Variants in CAMKMT observed in about 807,000 individuals in gnomAD.
CAMKMT encodes calmodulin-lysine N-methyltransferase, also known as CaM KMT.
CAMKMT carries 53 observed loss-of-function variants against 48.0 expected under a neutral mutation model. That is an observed-to-expected ratio of 1.10 (90% confidence interval 0.89 to 1.39). The LOEUF is 1.39. Ranked by LOEUF, CAMKMT falls within the 40% of genes most tolerant of loss-of-function variation. The pLI is 0.00. For synonymous variants in CAMKMT, 165 were observed against 152.3 expected, an observed-to-expected ratio of 1.08 and a Z score of -0.61; for missense variants, 428 against 402.7, an observed-to-expected ratio of 1.06 and a Z score of -0.54.
chr2:44,436,540 C>T (rs545005305), intron 3 of CAMKMT, among the ~76,000 whole-genome samples: 14 of 151,710 alleles, frequency 9.2e-5, no homozygotes, highest in African/African-American at 3.1e-4. Flanking sequence ...TTGAGGACCA[C>T]ACAGGGTTTT....
chr2:44,484,691 C>CA lies in CAMKMT; in HGVS notation c.376+94399dup, dbSNP rs35786716. Among the ~76,000 whole-genome samples, 452 of 139,070 alleles carry CA rather than the reference C, an allele frequency of 3.3e-3. 1 individual carries two copies. The highest frequency in any genetic ancestry group is 9.5e-3 in the African/African-American group (366 of 38,384). 91.2% of individuals were successfully genotyped at this position (139,070 alleles called of 152,430 possible). A position where few individuals can be genotyped will look rare whatever the true frequency, so the allele number is the denominator to read the frequency against. On this transcript the variant is annotated intron_variant, in intron 3 of 10. Transcript: ENST00000378494. ...TTAGGTAAGGATATCTTAAATAGGA[C>CA]AAAAAAAAAAAAACCATACAGAAAA...
chr2:44,600,318 G>C (rs1265324904), intron 3 of CAMKMT, among the ~76,000 whole-genome samples: 1 of 151,678 alleles, frequency 6.6e-6, no homozygotes, highest in East Asian at 1.9e-4. Flanking sequence ...CCAGTCTGGA[G>C]TCCAGTGGCA....
intron 3 of CAMKMT, among the ~76,000 whole-genome samples, chr2:44,659,342 G>GC (rs1186042601): frequency 6.6e-6 from 1 of 151,922 alleles, no homozygotes; most frequent in East Asian, 1.9e-4. Flanking sequence ...TGGAAGGACA[G>GC]CTTGAGCCCA....
chr2:44,520,772 G>T (rs184410916), intron 3 of CAMKMT, among the ~76,000 whole-genome samples: 1 of 152,306 alleles, frequency 6.6e-6, no homozygotes, highest in East Asian at 1.9e-4. Flanking sequence ...GGGACAGGTG[G>T]AGGTAATTGG....
chr2:44,435,933 T>G (rs1067356), intron 3 of CAMKMT, among the ~76,000 whole-genome samples: 113,499 of 151,966 alleles, frequency 0.75, 42,505 homozygotes, highest in South Asian at 0.87. Flanking sequence ...ACGTCATTCA[T>G]TTTGCCTAGA....
chr2:44,668,029 A>G (rs371479257), intron 3 of CAMKMT, among the ~76,000 whole-genome samples: 36 of 152,304 alleles, frequency 2.4e-4, no homozygotes, highest in African/African-American at 7.0e-4. Flanking sequence ...GACTGTGGCA[A>G]TCAACCATGC....
intron 3 of CAMKMT, among the ~76,000 whole-genome samples, chr2:44,683,046 G>A (rs1265894212): frequency 6.6e-6 from 1 of 152,088 alleles, no homozygotes; most frequent in African/African-American, 2.4e-5. Flanking sequence ...TCTGGAGAAG[G>A]GGGTCACTAT....
At chr2:44,514,601 G>A (rs1041438668) in intron 3 of CAMKMT, among the ~76,000 whole-genome samples, 5 of 152,162 alleles carry the variant, frequency 3.3e-5, no homozygotes, top group Middle Eastern at 3.2e-3. Flanking sequence ...TGACAAGAAA[G>A]GCCAAGGAAG....
chr2:44,430,272 C>T (rs894053790), intron 3 of CAMKMT, among the ~76,000 whole-genome samples: 4 of 151,854 alleles, frequency 2.6e-5, no homozygotes, highest in Admixed American at 6.6e-5. Context: ...TTCTTTTTGT[C>T]TCCTTTAGCA....
intron 1 of CAMKMT, among the ~76,000 whole-genome samples, chr2:44,371,790 C>T (rs1185117058): frequency 1.3e-5 from 2 of 152,170 alleles, no homozygotes. Context: ...CACAATACCA[C>T]ATCAACCCAG....
At chr2:44,404,762 G>A (rs962592398) in intron 3 of CAMKMT, among the ~76,000 whole-genome samples, 2 of 151,836 alleles carry the variant, frequency 1.3e-5, no homozygotes, top group African/African-American at 4.8e-5. Flanking sequence ...TATGCTTTTA[G>A]GATGATCTTT....
chr2:44,507,664 T>A (rs935403098), intron 3 of CAMKMT, among the ~76,000 whole-genome samples: 1 of 152,200 alleles, frequency 6.6e-6, no homozygotes, highest in African/African-American at 2.4e-5. Flanking sequence ...CATGTTTCAT[T>A]AAGTTTAATG....
intron 3 of CAMKMT, among the ~76,000 whole-genome samples, chr2:44,643,888 T>A (rs1345162175): frequency 6.6e-6 from 1 of 152,184 alleles, no homozygotes; most frequent in East Asian, 1.9e-4. Flanking sequence ...TACATTATAA[T>A]AAAACAGACT....
At chr2:44,617,051 C>T (rs748486337) in intron 3 of CAMKMT, among the ~76,000 whole-genome samples, 2 of 152,124 alleles carry the variant, frequency 1.3e-5, no homozygotes, top group Non-Finnish European at 2.9e-5. Flanking sequence ...CGTGATAGTG[C>T]CGTGAATGTC....
At chr2:44,525,146 T>C (rs1671338207) in intron 3 of CAMKMT, among the ~76,000 whole-genome samples, 1 of 152,206 alleles carries the variant, frequency 6.6e-6, no homozygotes, top group African/African-American at 2.4e-5. Context: ...ATAGGTTAGA[T>C]GACACAAAAT....
chr2:44,412,580 C>G (rs1008116580), intron 3 of CAMKMT, among the ~76,000 whole-genome samples: 1 of 152,030 alleles, frequency 6.6e-6, no homozygotes, highest in African/African-American at 2.4e-5. Context: ...AGGTGATCCA[C>G]CCATCTTGGC....
intron 3 of CAMKMT, among the ~76,000 whole-genome samples, chr2:44,517,503 G>A (rs1167008500): frequency 6.6e-6 from 1 of 152,108 alleles, no homozygotes; most frequent in Non-Finnish European, 1.5e-5. Flanking sequence ...TTTCCTTTTT[G>A]CACAGAACTC....
chr2:44,759,177 A>G (rs1402415886), intron 9 of CAMKMT, among the ~76,000 whole-genome samples: 4 of 152,218 alleles, frequency 2.6e-5, no homozygotes, highest in African/African-American at 7.2e-5. Flanking sequence ...AGGCTAGAGT[A>G]CAGTGGCACC....
intron 3 of CAMKMT, among the ~76,000 whole-genome samples, chr2:44,651,529 C>CA (rs369970504): frequency 0.017 from 2,652 of 152,036 alleles, 71 homozygotes; most frequent in African/African-American, 0.053. Flanking sequence ...ACTAAAGATA[C>CA]AAAAAAAGGC....
Sources: gnomAD v4.1 joint callset for allele counts (sites outside exome capture counted in the v4.1 genomes callset) on GRCh38, gnomAD v4.1.1 for gene constraint, MANE v1.5 for transcripts, NCBI Gene and HGNC (gene_info 2026-07-23, HGNC 2026-07-21) for gene names.